The following MANBA variants were observed in gnomAD, a reference collection of about 807,000 sequenced individuals.
The protein encoded by MANBA is mannosidase beta.
MANBA carries 83 observed loss-of-function variants against 111.1 expected under a neutral mutation model. The ratio of observed to expected loss-of-function variants is 0.75; its 90% CI spans 0.63 to 0.90. MANBA has a LOEUF of 0.90. Among genes scored for constraint, MANBA ranks in the 40% least tolerant of loss-of-function variants. The pLI, the probability that MANBA is intolerant of heterozygous loss-of-function variation, is 0.00. For missense variants in MANBA, 1,036 were observed against 1,069.0 expected (o/e 0.97, Z 0.43); for synonymous variants, 370 against 378.7 (o/e 0.98, Z 0.27).
At chr4:102,684,661 G>A (rs1360320818) in intron 7 of MANBA, among the ~76,000 whole-genome samples, 12 of 152,220 alleles carry the variant, frequency 7.9e-5, no homozygotes, top group African/African-American at 2.6e-4. Flanking sequence ...CAGGGGATAC[G>A]CTCCAAGACC....
chr4:102,640,684 T>A (rs577616984), intron 13 of MANBA, among the ~76,000 whole-genome samples: 3 of 152,138 alleles, frequency 2.0e-5, no homozygotes, highest in African/African-American at 7.2e-5. Context: ...GGCCTTAGAA[T>A]AGGGCTGGGG....
Position 102,734,268 on chromosome 4 carries a change from A to G in MANBA, c.178-7585T>C, listed in dbSNP as rs1311919632. 3.1e-6 allele frequency: 4 copies of G among 1,301,506 alleles called. No homozygotes were observed. In the South Asian group the frequency reaches 6.0e-5, roughly 19 times the overall value. 80.6% of individuals were successfully genotyped at this position (1,301,506 alleles called of 1,614,324 possible). ...ATTTTGCTGTAAACCTACAAAGTCT[A>G]CTCTTCCGGGGGAGAAGGGCAGCAG... On this transcript the variant is annotated intron_variant, in intron 1 of 16. Coordinates refer to ENST00000647097, the MANE Select transcript of MANBA (RefSeq NM_005908.4).
chr4:102,731,146 G>A (rs1482517567), intron 1 of MANBA, among the ~76,000 whole-genome samples: 2 of 151,796 alleles, frequency 1.3e-5, no homozygotes, highest in African/African-American at 4.8e-5. Context: ...GACGCAAGTG[G>A]CACCCTTCTG....
intron 1 of MANBA, among the ~76,000 whole-genome samples, chr4:102,755,132 T>C (rs1723960076): frequency 6.6e-6 from 1 of 152,128 alleles, no homozygotes; most frequent in African/African-American, 2.4e-5. Flanking sequence ...TTAAAGTTCA[T>C]ATGGAACCCA....
intron 7 of MANBA, among the ~76,000 whole-genome samples, chr4:102,678,776 A>C (rs1578895210): frequency 6.6e-6 from 1 of 152,192 alleles, no homozygotes; most frequent in Non-Finnish European, 1.5e-5. Context: ...AGAATTAAGG[A>C]TATCTGAACT....
At chr4:102,730,439 A>C (rs1266744238) in intron 1 of MANBA, 1 of 483,684 alleles carries the variant, frequency 2.1e-6, no homozygotes, top group Non-Finnish European at 3.9e-6. Flanking sequence ...GCAGCTGCAG[A>C]GTATTCGGGG....
intron 11 of MANBA, among the ~76,000 whole-genome samples, chr4:102,659,709 A>G (rs753367829): frequency 6.6e-6 from 1 of 152,184 alleles, no homozygotes; most frequent in African/African-American, 2.4e-5. Flanking sequence ...CTCCACTGAA[A>G]TGTTTTTCAA....
rs1376939666 is a variant in MANBA, at chr4:102,634,914, A to C, written c.2289T>G (p.Asn763Lys). 6.2e-7 allele frequency: 1 copy of C among 1,614,102 alleles called. No homozygotes were observed. The highest frequency in any genetic ancestry group is 8.5e-7 in the Non-Finnish European group (1 of 1,180,050). The change falls in exon 16 of 17, where the codon AAT (asparagine) becomes AAG (lysine). Residue 763 changes from asparagine to lysine, a missense_variant. Physicochemically the swap from Asn to Lys is moderately conservative, Grantham distance 94. Coordinates refer to ENST00000647097, the MANE Select transcript of MANBA (RefSeq NM_005908.4). ...AAACCACACAGCTTTCCCGTGTGCA[A>C]TTCCCACATCTCCTCAGCAATTCAG... ...PVSELLRRCG[N>K]CTRESCVVSF...
chr4:102,732,213 T>C (rs1238040294), intron 1 of MANBA, among the ~76,000 whole-genome samples: 1 of 152,194 alleles, frequency 6.6e-6, no homozygotes, highest in Non-Finnish European at 1.5e-5. Context: ...ATCTGGACTC[T>C]TTCCACTCTT....
intron 5 of MANBA, among the ~76,000 whole-genome samples, chr4:102,697,446 G>A (rs1026726214): frequency 6.6e-5 from 10 of 151,730 alleles, no homozygotes; most frequent in South Asian, 4.2e-4. Flanking sequence ...ATGCTGGTGC[G>A]CTGCACCCAC....
At chr4:102,633,586 T>C (rs1729483181) in intron 16 of MANBA, 1 of 396,280 alleles carries the variant, frequency 2.5e-6, no homozygotes, top group Non-Finnish European at 4.4e-6. Flanking sequence ...GTATTATTAC[T>C]ATCATTTTAT....
In MANBA at chr4:102,631,561, C is replaced by T. The variant is rs970153091; in HGVS notation, c.*496G>A. 6 of 406,710 alleles carry T rather than the reference C, an allele frequency of 1.5e-5. No individual in the cohort carries two copies. Among genetic ancestry groups the T allele is most frequent in the Non-Finnish European group, 2.6e-5 (6 of 231,406 alleles). 25.2% of individuals were successfully genotyped at this position (406,710 alleles called of 1,614,324 possible). A position where few individuals can be genotyped will look rare whatever the true frequency, so the allele number is the denominator to read the frequency against. On this transcript the variant is annotated 3_prime_UTR_variant, in exon 17 of 17. Transcript: ENST00000647097. ...CATGTACAGAAAAATACCCATATAC[C>T]TTTACCCAAATAGCTACCACCAAGA...
intron 1 of MANBA, among the ~76,000 whole-genome samples, chr4:102,740,326 C>T (rs1198166670): frequency 1.3e-5 from 2 of 152,198 alleles, no homozygotes; most frequent in Non-Finnish European, 2.9e-5. Context: ...ACATCCCATG[C>T]TCATGAATGG....
chr4:102,760,828 A>C lies in MANBA; in HGVS notation c.67T>G (p.Tyr23Asp). ...GAGTTAAELS[Y>D]SLRGNWSICN... ...ATGCTCCAGTTGCCACGCAAGCTGT[A>C]ACTGAGCTCCGCGGCGGTGGTGCCT... The change falls in exon 1 of 17, where the codon TAC (tyrosine) becomes GAC (aspartate). Residue 23 changes from tyrosine to aspartate, a missense_variant. Tyr to Asp is a radical substitution (Grantham distance 160). Coordinates refer to ENST00000647097, the MANE Select transcript of MANBA (RefSeq NM_005908.4). 6.4e-7 allele frequency: 1 copy of C among 1,568,848 alleles called. No homozygotes were observed. The highest frequency in any genetic ancestry group is 1.3e-5 in the African/African-American group (1 of 74,172).
At chr4:102,708,432 A>C (rs1230599399) in intron 5 of MANBA, among the ~76,000 whole-genome samples, 1 of 152,184 alleles carries the variant, frequency 6.6e-6, no homozygotes, top group East Asian at 1.9e-4. Context: ...TTAAGGAGGT[A>C]ATAAAAAAAG....
intron 6 of MANBA, among the ~76,000 whole-genome samples, chr4:102,690,046 T>A (rs1025006930): frequency 1.3e-5 from 2 of 152,202 alleles, no homozygotes; most frequent in African/African-American, 4.8e-5. Flanking sequence ...TAAAAATCAT[T>A]TTGAGTTCTT....
chr4:102,669,355 TC>T (rs1483785012), intron 9 of MANBA, among the ~76,000 whole-genome samples: 12 of 152,210 alleles, frequency 7.9e-5, no homozygotes, highest in Admixed American at 7.9e-4. Flanking sequence ...GAGGCTTCCC[TC>T]CAGCCCCTTG....
chr4:102,707,754 G>A (rs1378745528), intron 5 of MANBA, among the ~76,000 whole-genome samples: 1 of 152,008 alleles, frequency 6.6e-6, no homozygotes, highest in Admixed American at 6.5e-5. Flanking sequence ...ACTATATGCT[G>A]CCTACAAGTA....
At chr4:102,678,859 T>A (rs765694502) in intron 7 of MANBA, among the ~76,000 whole-genome samples, 1 of 152,206 alleles carries the variant, frequency 6.6e-6, no homozygotes, top group Non-Finnish European at 1.5e-5. Context: ...ACCAAACAGA[T>A]GATATGTAAT....
Sources: allele counts gnomAD v4.1 joint callset (sites outside exome capture counted in the v4.1 genomes callset), GRCh38; gene constraint gnomAD v4.1.1; transcripts MANE v1.5; gene names NCBI Gene and HGNC (gene_info 2026-07-23, HGNC 2026-07-21).